Variants in ARL15 observed in about 807,000 individuals in gnomAD.
ARL15 encodes the protein ARF like GTPase 15, also known as ADP-ribosylation factor-like protein 15.
Under a neutral mutation model 25.2 loss-of-function variants are expected in ARL15, and 19 were observed. The ratio of observed to expected loss-of-function variants is 0.75; its 90% confidence interval spans 0.53 to 1.10. ARL15 has a LOEUF of 1.10. Ranked by LOEUF, ARL15 falls within the 50% of genes least tolerant of loss-of-function variation. The pLI is 0.00. For synonymous variants in ARL15, 94 were observed against 86.8 expected (o/e 1.08, Z -0.46); for missense variants, 220 against 246.0 (o/e 0.89, Z 0.71).
chr5:54,290,528 G>A (rs185328568), intron 1 of ARL15, among the ~76,000 whole-genome samples: 15 of 152,030 alleles, frequency 9.9e-5, no homozygotes, highest in Admixed American at 3.3e-4. Flanking sequence ...GGATGGTCTC[G>A]ATCTCCTGAT....
intron 1 of ARL15, among the ~76,000 whole-genome samples, chr5:54,300,377 C>T (rs1474582759): frequency 1.3e-5 from 2 of 152,188 alleles, no homozygotes; most frequent in Non-Finnish European, 2.9e-5. Context: ...GGGGGCCACC[C>T]TTGTCCAGCA....
chr5:54,109,194 G>A (rs181233278), intron 4 of ARL15, among the ~76,000 whole-genome samples: 3 of 152,028 alleles, frequency 2.0e-5, no homozygotes, highest in South Asian at 2.1e-4. Context: ...TTAATGAGCC[G>A]TGGAACAAAT....
At chr5:53,931,234 C>T (rs139754992) in intron 4 of ARL15, among the ~76,000 whole-genome samples, 347 of 152,242 alleles carry the variant, frequency 2.3e-3, no homozygotes, top group African/African-American at 7.8e-3. Context: ...CAACCAGGGT[C>T]GCTGCTCCTA....
chr5:54,245,291 CAAAT>C (rs1432478317), intron 1 of ARL15, among the ~76,000 whole-genome samples: 1 of 152,154 alleles, frequency 6.6e-6, no homozygotes, highest in Non-Finnish European at 1.5e-5. Context: ...ATGTGTCAAA[CAAAT>C]AGTCACACCT....
At chr5:53,948,548 T>C (rs186053207) in intron 4 of ARL15, among the ~76,000 whole-genome samples, 340 of 152,344 alleles carry the variant, frequency 2.2e-3, no homozygotes, top group Admixed American at 3.4e-3. Context: ...GGAAGCAATC[T>C]GGTAATATAA....
intron 1 of ARL15, among the ~76,000 whole-genome samples, chr5:54,219,374 G>A (rs1006161466): frequency 4.6e-5 from 7 of 152,078 alleles, no homozygotes; most frequent in African/African-American, 1.7e-4. Flanking sequence ...AGAAAAAAAA[G>A]ACTAAAATGC....
At chr5:54,288,308 G>A (rs536560191) in intron 1 of ARL15, among the ~76,000 whole-genome samples, 10 of 152,310 alleles carry the variant, frequency 6.6e-5, no homozygotes, top group African/African-American at 2.4e-4. Flanking sequence ...AGTCTTCCAG[G>A]AGGGAAGCAC....
intron 3 of ARL15, among the ~76,000 whole-genome samples, chr5:54,140,417 CAGATAGATAGATAGATAGAT>C (rs57386310): frequency 1.0e-4 from 15 of 145,372 alleles, no homozygotes; most frequent in African/African-American, 3.3e-4. Context: ...TGTGGATAGA[CAGATAGATAGATAGATAGAT>C]AGATAGATAG....
intron 3 of ARL15, among the ~76,000 whole-genome samples, chr5:54,143,286 A>T (rs1462126697): frequency 6.6e-6 from 1 of 152,072 alleles, no homozygotes; most frequent in Non-Finnish European, 1.5e-5. Context: ...TTATGTAGTT[A>T]AATATTTAAA....
At chr5:54,157,389 A>G (rs1205775857) in intron 2 of ARL15, among the ~76,000 whole-genome samples, 1 of 152,154 alleles carries the variant, frequency 6.6e-6, no homozygotes, top group Non-Finnish European at 1.5e-5. Flanking sequence ...CACACTAAGC[A>G]AAGTATCCTA....
At chr5:54,146,577 C>T (rs1039181692) in intron 3 of ARL15, among the ~76,000 whole-genome samples, 32 of 152,260 alleles carry the variant, frequency 2.1e-4, no homozygotes, top group Middle Eastern at 6.8e-3. Context: ...TTATGGCAAT[C>T]CCTGGGAGAA....
chr5:54,149,655 CA>C (rs1321837775), intron 3 of ARL15, among the ~76,000 whole-genome samples: 1 of 152,058 alleles, frequency 6.6e-6, no homozygotes, highest in Non-Finnish European at 1.5e-5. Flanking sequence ...AACAGAGATA[CA>C]AGAAGGTGGT....
chr5:54,118,870 A>G (rs143548377), intron 3 of ARL15, among the ~76,000 whole-genome samples: 1 of 152,294 alleles, frequency 6.6e-6, no homozygotes, highest in East Asian at 1.9e-4. Flanking sequence ...CTCAGCCTAC[A>G]TTTTATAAAA....
intron 1 of ARL15, among the ~76,000 whole-genome samples, chr5:54,267,939 A>C (rs13171504): frequency 0.42 from 62,596 of 150,440 alleles, 16,087 homozygotes; most frequent in Non-Finnish European, 0.57. Flanking sequence ...TCTGACAATT[A>C]TGTGTCTTGG....
intron 4 of ARL15, among the ~76,000 whole-genome samples, chr5:53,982,590 G>C (rs944758579): frequency 2.0e-5 from 3 of 152,084 alleles, no homozygotes; most frequent in Admixed American, 2.0e-4. Context: ...TATCATTGAT[G>C]GGCATTTGGG....
chr5:53,965,890 T>C (rs1399825159), intron 4 of ARL15, among the ~76,000 whole-genome samples: 1 of 152,188 alleles, frequency 6.6e-6, no homozygotes, highest in Non-Finnish European at 1.5e-5. Flanking sequence ...CTATTACTAT[T>C]GTGGGAGTGG....
At chr5:53,926,019 T>A (rs1273756995) in intron 4 of ARL15, among the ~76,000 whole-genome samples, 2 of 104,848 alleles carry the variant, frequency 1.9e-5, no homozygotes, top group South Asian at 2.8e-4. Flanking sequence ...TTTTTTTTTT[T>A]ACTAACTATA....
At chr5:53,902,694 G>T (rs1745106574) in intron 4 of ARL15, among the ~76,000 whole-genome samples, 1 of 152,164 alleles carries the variant, frequency 6.6e-6, no homozygotes, top group African/African-American at 2.4e-5. Flanking sequence ...GACAAATATG[G>T]CAAGCCACGC....
intron 1 of ARL15, among the ~76,000 whole-genome samples, chr5:54,245,574 G>T (rs1757066288): frequency 6.6e-6 from 1 of 151,980 alleles, no homozygotes; most frequent in East Asian, 1.9e-4. Flanking sequence ...CTCTTGCTCT[G>T]TGAAATCAGG....
Sources: gnomAD v4.1 joint callset for allele counts (sites outside exome capture counted in the v4.1 genomes callset) on GRCh38, gnomAD v4.1.1 for gene constraint, MANE v1.5 for transcripts, NCBI Gene and HGNC (gene_info 2026-07-23, HGNC 2026-07-21) for gene names.